The following SERINC5 variants were observed in gnomAD, a reference collection of about 807,000 sequenced individuals.
SERINC5 encodes serine incorporator 5.
A neutral mutation model predicts 63.1 loss-of-function variants in SERINC5; 41 were observed. The ratio of observed to expected loss-of-function variants is 0.65; its 90% confidence interval spans 0.51 to 0.84. The LOEUF (loss-of-function observed/expected upper bound fraction) is 0.84, where lower values mean the gene tolerates loss of function less well. Among genes scored for constraint, SERINC5 ranks in the 40% least tolerant of loss-of-function variants. SERINC5 has a pLI of 0.00. For synonymous variants in SERINC5, 222 were observed against 215.2 expected (o/e 1.03, Z -0.28); for missense variants, 523 against 573.0 (o/e 0.91, Z 0.89).
intron 11 of SERINC5, among the ~76,000 whole-genome samples, chr5:80,125,814 A>C (rs1441397176): frequency 6.6e-6 from 1 of 152,226 alleles, no homozygotes; most frequent in East Asian, 1.9e-4. Flanking sequence ...GGGTCAAGAA[A>C]AGGACATGCA....
At chr5:80,252,077 T>G (rs113540787) in intron 1 of SERINC5, among the ~76,000 whole-genome samples, 1 of 121,810 alleles carries the variant, frequency 8.2e-6, no homozygotes, top group Non-Finnish European at 1.8e-5. Flanking sequence ...TTTTTTTTTT[T>G]TTTGAGACAG....
rs1217398548 is a variant in SERINC5 at position 80,177,851 on chromosome 5, G to A, written c.374+35C>T. ...GACTACTGTCCTGAACATAAGAAAG[G>A]AGAAAGCAATCCCCAAGAAGACTAA... On this transcript the variant is annotated intron_variant, in intron 3 of 11. Transcript: ENST00000507668. The A allele has an allele frequency of 8.5e-6, 13 of 1,536,692 alleles. No individual in the cohort carries two copies. The African/African-American group carries it at 1.2e-4, about 15-fold the overall frequency.
intron 2 of SERINC5, among the ~76,000 whole-genome samples, chr5:80,190,660 T>G (rs1250908275): frequency 6.6e-6 from 1 of 152,198 alleles, no homozygotes; most frequent in African/African-American, 2.4e-5. Flanking sequence ...TTGATGGATA[T>G]TTGAAGTATT....
chr5:80,204,370 T>C (rs963350658), intron 1 of SERINC5, among the ~76,000 whole-genome samples: 2 of 152,172 alleles, frequency 1.3e-5, no homozygotes, highest in Non-Finnish European at 2.9e-5. Flanking sequence ...AGTGTCAGAA[T>C]TGAATTAAAT....
intron 1 of SERINC5, among the ~76,000 whole-genome samples, chr5:80,248,269 CACT>C (rs1313743514): frequency 6.6e-6 from 1 of 152,122 alleles, no homozygotes; most frequent in African/African-American, 2.4e-5. Flanking sequence ...GCTTTGGGGC[CACT>C]AAGTCAAATA....
rs771411269 is a variant in SERINC5, at chr5:80,146,156, G to A, written c.1172C>T (p.Ser391Phe). The change falls in exon 11 of 12, where the codon TCC (serine) becomes TTC (phenylalanine). Residue 391 changes from serine to phenylalanine, a missense_variant. Physicochemically the swap from Ser to Phe is radical, Grantham distance 155 (BLOSUM62 -2). Transcript: ENST00000507668. The part of the protein sequence containing the change: ...DEKKGTVYIY[S>F]YFHFVFFLAS... ...TAGGAAGAACACGAAGTGGAAGTAG[G>A]AGTAGATGTAGACGGTGCCTTTCTT... The A allele has an allele frequency of 6.2e-6, 10 of 1,614,030 alleles. No individual in the cohort carries two copies. The highest frequency in any genetic ancestry group is 7.6e-6 in the Non-Finnish European group (9 of 1,179,876).
At chr5:80,177,248 C>A in intron 4 of SERINC5, 67 bp downstream of exon 4, 4 of 1,171,566 alleles carry the variant, frequency 3.4e-6, no homozygotes, top group Non-Finnish European at 3.8e-6. Flanking sequence ...TTGGACTGCG[C>A]TTCTGAGCAA....
chr5:80,169,303 A>C (rs2112383826), intron 6 of SERINC5, 32 bp downstream of exon 6: 1 of 1,574,064 alleles, frequency 6.4e-7, no homozygotes, highest in East Asian at 2.2e-5. Context: ...AGGAAAATAT[A>C]AGTAACGAAG....
intron 2 of SERINC5, among the ~76,000 whole-genome samples, chr5:80,198,071 C>T (rs1399128849): frequency 6.6e-6 from 1 of 152,044 alleles, no homozygotes; most frequent in African/African-American, 2.4e-5. Flanking sequence ...ATCTCTTGAC[C>T]TTGTGATCCG....
intron 1 of SERINC5, among the ~76,000 whole-genome samples, chr5:80,213,102 T>C (rs918704322): frequency 6.6e-6 from 1 of 151,808 alleles, no homozygotes; most frequent in Non-Finnish European, 1.5e-5. Flanking sequence ...AAAAATTAGC[T>C]GGATGTGGTG....
intron 9 of SERINC5, among the ~76,000 whole-genome samples, chr5:80,148,189 C>CTTTTTTTTTCT (rs1745945946): frequency 9.8e-6 from 1 of 102,334 alleles, no homozygotes; most frequent in Non-Finnish European, 2.0e-5. Flanking sequence ...ATTTTTTATT[C>CTTTTTTTTTCT]TTTTTTTTTT....
chr5:80,224,322 C>T (rs1451088009), intron 1 of SERINC5, among the ~76,000 whole-genome samples: 1 of 151,670 alleles, frequency 6.6e-6, no homozygotes, highest in African/African-American at 2.4e-5. Flanking sequence ...ACAAAAAATA[C>T]AAAAATTAGC....
intron 1 of SERINC5, among the ~76,000 whole-genome samples, chr5:80,227,242 C>A (rs1751209443): frequency 6.6e-6 from 1 of 151,704 alleles, no homozygotes; most frequent in Non-Finnish European, 1.5e-5. Flanking sequence ...GCTATACTGA[C>A]TGAAAAATGA....
chr5:80,241,805 T>A (rs1038785846), intron 1 of SERINC5, among the ~76,000 whole-genome samples: 1 of 152,134 alleles, frequency 6.6e-6, no homozygotes, highest in Non-Finnish European at 1.5e-5. Context: ...ACATTAAATG[T>A]AAATGATCCA....
At chr5:80,181,317 G>A (rs541247297) in intron 2 of SERINC5, among the ~76,000 whole-genome samples, 107 of 152,142 alleles carry the variant, frequency 7.0e-4, no homozygotes, top group South Asian at 5.6e-3. Context: ...CGCAATCTTG[G>A]CTCACTGCAA....
rs779362718 is a variant in SERINC5, at chr5:80,142,637, G to A, written c.*1026C>T. 458 of 985,274 alleles carry A rather than the reference G, an allele frequency of 4.6e-4. No homozygotes were observed. The highest frequency in any genetic ancestry group is 5.3e-4 in the Non-Finnish European group (444 of 829,946). The allele number at this position is 985,274 out of a possible 1,614,324, so 61.0% of individuals were successfully genotyped here. On this transcript the variant is annotated 3_prime_UTR_variant, in exon 12 of 12. Transcript: ENST00000507668. ...GCATGAACCTGAACGGTATGGTCAC[G>A]TTACAGATCCAGAACACAAAACGAC...
intron 2 of SERINC5, among the ~76,000 whole-genome samples, chr5:80,186,140 A>C (rs1748786368): frequency 7.2e-6 from 1 of 139,578 alleles, no homozygotes; most frequent in Non-Finnish European, 1.5e-5. Context: ...AAAAAAAAAA[A>C]AAAAAAAAAA....
At chr5:80,186,313 T>C (rs1748804759) in intron 2 of SERINC5, among the ~76,000 whole-genome samples, 1 of 151,994 alleles carries the variant, frequency 6.6e-6, no homozygotes, top group Non-Finnish European at 1.5e-5. Flanking sequence ...ACTTTTTGTA[T>C]TTTTAGTAGA....
rs113744603 is a variant in SERINC5, at chr5:80,198,738, C to T, written c.195+4148G>A. On this transcript the variant is annotated intron_variant, in intron 2 of 11. Coordinates refer to ENST00000507668, the MANE Select transcript of SERINC5 (RefSeq NM_001174072.3). ...TGAGGTCAGCCTCTCTTCTGTAGGC[C>T]ACGAAACAAGCTGACTTTGTGGCCA... The T allele has an allele frequency of 2.6e-3, 2,562 of 984,254 alleles. 63 individuals are homozygous for T. In the African/African-American group the frequency reaches 0.041, roughly 16 times the overall value. 61.0% of individuals were successfully genotyped at this position (984,254 alleles called of 1,614,324 possible).
Sources: gnomAD v4.1 joint callset for allele counts (sites outside exome capture counted in the v4.1 genomes callset) on GRCh38, gnomAD v4.1.1 for gene constraint, MANE v1.5 for transcripts, NCBI Gene and HGNC (gene_info 2026-07-23, HGNC 2026-07-21) for gene names.